NYAP2: variants seen among roughly 807,000 people sequenced by gnomAD.
NYAP2 encodes the protein neuronal tyrosine-phosphorylated phosphoinositide-3-kinase adapter 2.
NYAP2 carries 23 observed loss-of-function variants against 50.4 expected under a neutral mutation model. The observed-to-expected ratio is 0.46, with a 90% CI of 0.33 to 0.65. The LOEUF (loss-of-function observed/expected upper bound fraction) is 0.65. Among genes scored for constraint, NYAP2 ranks in the 30% least tolerant of loss-of-function variants. The probability of loss-of-function intolerance (pLI) is 0.02; values close to 1 mark genes in which losing one functional copy is unlikely to be tolerated. For synonymous variants in NYAP2, 394 were observed against 365.2 expected, an observed-to-expected ratio of 1.08 and a Z score of -0.90; for missense variants, 885 against 861.0, an observed-to-expected ratio of 1.03 and a Z score of -0.35.
chr2:225,462,388 C>T (rs1245160796), intron 3 of NYAP2, among the ~76,000 whole-genome samples: 1 of 152,062 alleles, frequency 6.6e-6, no homozygotes, highest in Non-Finnish European at 1.5e-5. Context: ...CTTTCTTCTT[C>T]CCATCATCAT....
At chr2:225,682,442 T>C in the NYAP2 span, among the ~76,000 whole-genome samples, 2 of 152,290 alleles carry the variant, frequency 1.3e-5, no homozygotes, top group South Asian at 4.1e-4. Flanking sequence ...AATTGAACAC[T>C]TCCAGTAGCT....
exon 7 of NYAP2, chr2:225,652,473 T>C (rs1035126128): frequency 1.3e-5 from 2 of 152,232 alleles, no homozygotes; most frequent in African/African-American, 4.8e-5. Context: ...TACGTGGTTG[T>C]GGATGGGGAA....
chr2:225,406,662 T>C (rs1694944741), intron 2 of NYAP2, among the ~76,000 whole-genome samples: 1 of 152,032 alleles, frequency 6.6e-6, no homozygotes, highest in Non-Finnish European at 1.5e-5. Context: ...TTTGAAGTTT[T>C]ACTAGATGTG....
rs892995730 is a variant in NYAP2 at position 225,407,790 on chromosome 2, A to G, written c.-17-1074A>G. On this transcript the variant is annotated intron_variant, in intron 2 of 6. Coordinates refer to ENST00000636099, the Ensembl canonical transcript of NYAP2. ...GCTTTTGGTTTTTTAATCTGACTCA[A>G]TTATACCAGTTTCTTATACCACAAT... is the stretch of plus-strand genomic sequence containing the variant. Among the ~76,000 whole-genome samples the G allele has an allele frequency of 2.0e-5, 3 of 151,890 alleles. No individual in the cohort carries two copies. The South Asian group carries it at 6.2e-4, about 31-fold the overall frequency.
At chr2:225,615,081 C>A (rs1692965057) in intron 5 of NYAP2, among the ~76,000 whole-genome samples, 2 of 152,118 alleles carry the variant, frequency 1.3e-5, no homozygotes, top group African/African-American at 4.8e-5. Flanking sequence ...GATGCCCAGA[C>A]CTGGAAGTAG....
intron 4 of NYAP2, among the ~76,000 whole-genome samples, chr2:225,578,464 A>G (rs1692207458): frequency 1.3e-5 from 2 of 152,196 alleles, no homozygotes; most frequent in South Asian, 4.1e-4. Flanking sequence ...AAGTGTATCA[A>G]AACAAACAAC....
At chr2:225,446,240 CTCTCTCTATATATATATATATATA>C (rs1198422751) in intron 3 of NYAP2, among the ~76,000 whole-genome samples, 4 of 108,358 alleles carry the variant, frequency 3.7e-5, no homozygotes, top group African/African-American at 1.5e-4. Flanking sequence ...CTCTCTCTCT[CTCTCTCTATATATATATATATATA>C]TATATATATA....
intron 4 of NYAP2, among the ~76,000 whole-genome samples, chr2:225,545,539 A>AT (rs1380107919): frequency 6.6e-6 from 1 of 151,760 alleles, no homozygotes; most frequent in Admixed American, 6.6e-5. Flanking sequence ...ATTTTTCTTA[A>AT]TTTTTTCAAT....
chr2:225,497,302 G>C (rs1042231998), intron 3 of NYAP2, among the ~76,000 whole-genome samples: 5 of 152,158 alleles, frequency 3.3e-5, no homozygotes, highest in Non-Finnish European at 7.4e-5. Flanking sequence ...TGTGCATAGA[G>C]ACAGCACACT....
At chr2:225,621,253 T>G (rs567803051) in intron 5 of NYAP2, among the ~76,000 whole-genome samples, 133 of 152,362 alleles carry the variant, frequency 8.7e-4, no homozygotes, top group African/African-American at 2.9e-3. Context: ...TAGTTTATAA[T>G]GTTATTTTCT....
chr2:225,700,526 T>G, the NYAP2 span: 1 of 151,838 alleles, frequency 6.6e-6, no homozygotes, highest in African/African-American at 2.4e-5. Flanking sequence ...AAATAATCTA[T>G]GAAGCACAAA....
At chr2:225,669,935 G>A in the NYAP2 span, among the ~76,000 whole-genome samples, 1 of 152,086 alleles carries the variant, frequency 6.6e-6, no homozygotes, top group East Asian at 1.9e-4. Context: ...AAGGAGAGTC[G>A]GGTTGTTATG....
the NYAP2 span, among the ~76,000 whole-genome samples, chr2:225,689,559 G>A: frequency 6.6e-6 from 1 of 152,022 alleles, no homozygotes; most frequent in Non-Finnish European, 1.5e-5. Flanking sequence ...ATCAAGACAT[G>A]GTTCACATTT....
rs146940567 is a variant in NYAP2, at chr2:225,636,324, T to C, written c.1828+9198T>C. ...AACTTTGCTTTTAGAACCTGGTTAATATTCAACTTTTTAATATATCTACAT... is the reference window on the plus strand; with the variant it reads ...AACTTTGCTTTTAGAACCTGGTTAACATTCAACTTTTTAATATATCTACAT... On this transcript the variant is annotated intron_variant, in intron 6 of 6. Transcript: ENST00000636099. Among the ~76,000 whole-genome samples the C allele has an allele frequency of 2.8e-3, 421 of 152,292 alleles. 3 individuals are homozygous for C. The highest frequency in any genetic ancestry group is 9.3e-3 in the African/African-American group (388 of 41,554).
At chr2:225,561,975 A>G (rs1411635868) in intron 4 of NYAP2, among the ~76,000 whole-genome samples, 2 of 152,060 alleles carry the variant, frequency 1.3e-5, no homozygotes, top group Non-Finnish European at 2.9e-5. Flanking sequence ...CTGTCTCTCA[A>G]AAAGTTCTGG....
At chr2:225,682,750 A>C in the NYAP2 span, among the ~76,000 whole-genome samples, 1 of 152,194 alleles carries the variant, frequency 6.6e-6, no homozygotes. Flanking sequence ...AGTCTTGAAT[A>C]AGAAAAAAAT....
At chr2:225,598,008 C>A (rs150217327) in intron 5 of NYAP2, among the ~76,000 whole-genome samples, 1 of 152,206 alleles carries the variant, frequency 6.6e-6, no homozygotes, top group Non-Finnish European at 1.5e-5. Context: ...AATCATTCTA[C>A]GACCTGAGGT....
intron 5 of NYAP2, among the ~76,000 whole-genome samples, chr2:225,623,185 C>A (rs1000998105): frequency 2.6e-5 from 4 of 152,192 alleles, no homozygotes; most frequent in Non-Finnish European, 4.4e-5. Flanking sequence ...ACAAAAGAGA[C>A]AGGCAAAGGC....
chr2:225,665,914 C>G, the NYAP2 span, among the ~76,000 whole-genome samples: 13 of 147,960 alleles, frequency 8.8e-5, no homozygotes, highest in African/African-American at 3.0e-4. Flanking sequence ...GACCTTCTTT[C>G]CTTCTTATCC....
Sources: gnomAD v4.1 joint callset for allele counts (sites outside exome capture counted in the v4.1 genomes callset) on GRCh38, gnomAD v4.1.1 for gene constraint, MANE v1.5 for transcripts, NCBI Gene and HGNC (gene_info 2026-07-23, HGNC 2026-07-21) for gene names.